Variants in UNC5C observed in about 807,000 individuals in gnomAD.
UNC5C encodes the protein netrin receptor UNC5C.
UNC5C carries 47 observed loss-of-function variants against 99.8 expected under a neutral mutation model. The observed-to-expected ratio is 0.47, with a 90% CI of 0.37 to 0.60. The LOEUF is 0.60. Among genes scored for constraint, UNC5C ranks in the 20% least tolerant of loss-of-function variants. The pLI is 0.00. For missense variants in UNC5C, 1,062 were observed against 1,165.9 expected, an observed-to-expected ratio of 0.91 and a Z score of 1.30; for synonymous variants, 487 against 452.2, an observed-to-expected ratio of 1.08 and a Z score of -0.98.
intron 1 of UNC5C, among the ~76,000 whole-genome samples, chr4:95,521,496 G>A (rs1722356877): frequency 6.6e-6 from 1 of 152,026 alleles, no homozygotes; most frequent in Non-Finnish European, 1.5e-5. Flanking sequence ...GGGATTACAG[G>A]CATGAGCCTC....
chr4:95,320,443 AG>A (rs1560784924), intron 2 of UNC5C, among the ~76,000 whole-genome samples: 1 of 149,500 alleles, frequency 6.7e-6, no homozygotes, highest in Admixed American at 6.7e-5. Context: ...AAAAAAGAAA[AG>A]AAAAGAAAAG....
In UNC5C at chr4:95,290,542, A is replaced by G. The variant is rs561216399; in HGVS notation, c.490+11064T>C. 6.6e-5 allele frequency among the ~76,000 whole-genome samples: 10 copies of G among 152,298 alleles called. No homozygotes were observed. The South Asian group carries it at 2.1e-3, about 32-fold the overall frequency. On this transcript the variant is annotated intron_variant, in intron 3 of 15. Transcript: ENST00000453304. ...ATTCAGTGTTTCCTAAACAGGTGAC[A>G]TGGGCAAGTTAGCTAATATTTCCAT...
chr4:95,255,117 T>C (rs1739908943), intron 4 of UNC5C, among the ~76,000 whole-genome samples: 1 of 152,028 alleles, frequency 6.6e-6, no homozygotes, highest in Non-Finnish European at 1.5e-5. Context: ...GTAGCTGGGA[T>C]TACAGGTGCC....
chr4:95,215,600 A>G (rs1738218608), intron 10 of UNC5C, among the ~76,000 whole-genome samples: 1 of 152,172 alleles, frequency 6.6e-6, no homozygotes, highest in African/African-American at 2.4e-5. Flanking sequence ...GAACAGCCTA[A>G]TGTGGAATTT....
chr4:95,488,816 T>C (rs1021786535), intron 1 of UNC5C, among the ~76,000 whole-genome samples: 2 of 151,746 alleles, frequency 1.3e-5, no homozygotes, highest in Admixed American at 6.6e-5. Flanking sequence ...AATATTTAGA[T>C]AACTTTAGAT....
At chr4:95,178,451 TCTCA>T (rs1736460669) in intron 14 of UNC5C, among the ~76,000 whole-genome samples, 1 of 94,230 alleles carries the variant, frequency 1.1e-5, no homozygotes, top group African/African-American at 5.1e-5. Flanking sequence ...GCCTTTTATT[TCTCA>T]CATTTCTTTC....
At chr4:95,514,953 T>C (rs1038519219) in intron 1 of UNC5C, among the ~76,000 whole-genome samples, 5 of 151,952 alleles carry the variant, frequency 3.3e-5, no homozygotes, top group East Asian at 1.9e-4. Flanking sequence ...ATTACAGCCA[T>C]GAGCCACCAT....
intron 1 of UNC5C, among the ~76,000 whole-genome samples, chr4:95,481,827 T>A (rs1224017984): frequency 6.6e-6 from 1 of 152,008 alleles, no homozygotes; most frequent in Non-Finnish European, 1.5e-5. Flanking sequence ...TGAAAGTGGA[T>A]CCCTTCCTTA....
At chr4:95,225,419 GA>G (rs1372953527) in intron 7 of UNC5C, among the ~76,000 whole-genome samples, 1 of 151,846 alleles carries the variant, frequency 6.6e-6, no homozygotes, top group Non-Finnish European at 1.5e-5. Context: ...ATGTCATTTT[GA>G]AAAAAATCAC....
chr4:95,511,972 A>G (rs1261357660), intron 1 of UNC5C, among the ~76,000 whole-genome samples: 1 of 152,130 alleles, frequency 6.6e-6, no homozygotes, highest in East Asian at 1.9e-4. Context: ...CTTGAAGGGT[A>G]TGTGACTACT....
intron 1 of UNC5C, among the ~76,000 whole-genome samples, chr4:95,434,423 T>C (rs1746717404): frequency 6.6e-6 from 1 of 152,064 alleles, no homozygotes; most frequent in African/African-American, 2.4e-5. Context: ...GTCTGAAAAG[T>C]GTTCTGGAAA....
intron 1 of UNC5C, among the ~76,000 whole-genome samples, chr4:95,408,422 T>G (rs760540602): frequency 2.0e-5 from 3 of 152,208 alleles, no homozygotes; most frequent in Admixed American, 1.3e-4. Context: ...TTAGTGCTTT[T>G]GTCTTTGGAG....
At chr4:95,213,734 C>G (rs906603059) in intron 10 of UNC5C, among the ~76,000 whole-genome samples, 2 of 152,272 alleles carry the variant, frequency 1.3e-5, no homozygotes, top group East Asian at 3.9e-4. Flanking sequence ...AATTTTCCTA[C>G]GAATGCATAG....
chr4:95,273,647 A>T (rs1423642971), intron 4 of UNC5C, among the ~76,000 whole-genome samples: 1 of 152,188 alleles, frequency 6.6e-6, no homozygotes, highest in Non-Finnish European at 1.5e-5. Flanking sequence ...TTTTGGCTTG[A>T]TCCTAACAAA....
At position 95,305,288 on chromosome 4, in the gene UNC5C, G is replaced by C. The variant is rs141929866; in HGVS notation, c.347-3539C>G. On this transcript the variant is annotated intron_variant, in intron 2 of 15. Transcript: ENST00000453304. Reference sequence around the variant, plus strand: ...ATTGACTGCATTATTCAGACTCTGAGCTACTTGGTTACATGCCATATTTTC... The same window carrying C: ...ATTGACTGCATTATTCAGACTCTGACCTACTTGGTTACATGCCATATTTTC... Among the ~76,000 whole-genome samples, 4 of 152,300 alleles carry C rather than the reference G, an allele frequency of 2.6e-5. No individual in the cohort carries two copies. In the East Asian group the frequency reaches 7.7e-4, roughly 29 times the overall value.
intron 4 of UNC5C, among the ~76,000 whole-genome samples, chr4:95,266,001 A>C (rs1740433546): frequency 6.6e-6 from 1 of 152,214 alleles, no homozygotes; most frequent in Non-Finnish European, 1.5e-5. Context: ...ATACCTACCT[A>C]AATGTATTTT....
At chr4:95,263,254 TATAC>T (rs1356301271) in intron 4 of UNC5C, among the ~76,000 whole-genome samples, 2 of 152,254 alleles carry the variant, frequency 1.3e-5, no homozygotes, top group African/African-American at 4.8e-5. Flanking sequence ...ATGTTTATAA[TATAC>T]ACAGACATGG....
Position 95,198,635 on chromosome 4 carries a change from G to A in UNC5C, c.2136+4096C>T, listed in dbSNP as rs185608371. Among the ~76,000 whole-genome samples, 42 of 152,258 alleles carry A rather than the reference G, an allele frequency of 2.8e-4. 1 individual carries two copies. Among genetic ancestry groups the A allele is most frequent in the Admixed American group, 2.4e-3 (36 of 15,300 alleles). On this transcript the variant is annotated intron_variant, in intron 12 of 15. Transcript: ENST00000453304. ...GCTCTGTGCAAAGGAACTGAAGTGG[G>A]CATGAGTAGAAGTAGAACCATCCAG...
chr4:95,548,635 A>G, intron 1 of UNC5C, 99 bp downstream of exon 1: 2 of 1,422,480 alleles, frequency 1.4e-6, no homozygotes, highest in Middle Eastern at 1.9e-4. Context: ...GAAAGCAACG[A>G]GGCAAATTGA....
Sources: gnomAD v4.1 joint callset for allele counts (sites outside exome capture counted in the v4.1 genomes callset) on GRCh38, gnomAD v4.1.1 for gene constraint, MANE v1.5 for transcripts, NCBI Gene and HGNC (gene_info 2026-07-23, HGNC 2026-07-21) for gene names.